CGRRF1: variants seen among roughly 807,000 people sequenced by gnomAD.
CGRRF1 encodes cell growth regulator with ring finger domain 1, also known as cell growth regulator with RING finger domain protein 1.
A neutral mutation model predicts 37.2 loss-of-function variants in CGRRF1; 32 were observed. The observed-to-expected ratio is 0.86, with a 90% CI of 0.65 to 1.16. The LOEUF (loss-of-function observed/expected upper bound fraction) is 1.16. Among genes scored for constraint, CGRRF1 ranks in the 50% most tolerant of loss-of-function variants. The pLI is 0.00. For synonymous variants in CGRRF1, 141 were observed against 140.3 expected, an observed-to-expected ratio of 1.00 and a Z score of -0.04; for missense variants, 391 against 382.6, an observed-to-expected ratio of 1.02 and a Z score of -0.18.
At chr14:54,534,130 T>C (rs989272189) in intron 4 of CGRRF1, among the ~76,000 whole-genome samples, 1 of 152,184 alleles carries the variant, frequency 6.6e-6, no homozygotes, top group Admixed American at 6.5e-5. Flanking sequence ...AATTGGTTTT[T>C]TTTTTGTTTT....
intron 1 of CGRRF1, among the ~76,000 whole-genome samples, chr14:54,520,013 A>G (rs2032288618): frequency 6.6e-6 from 1 of 152,214 alleles, no homozygotes; most frequent in Non-Finnish European, 1.5e-5. Context: ...TGTAAGTTCT[A>G]AAACATTACA....
At chr14:54,527,129 T>G (rs1018464865) in intron 2 of CGRRF1, among the ~76,000 whole-genome samples, 5 of 152,192 alleles carry the variant, frequency 3.3e-5, no homozygotes, top group Non-Finnish European at 7.3e-5. Flanking sequence ...TACGTCCCAA[T>G]TCTGTTAATG....
At chr14:54,517,084 A>G (rs1370301108) in intron 1 of CGRRF1, among the ~76,000 whole-genome samples, 4 of 152,154 alleles carry the variant, frequency 2.6e-5, no homozygotes, top group Non-Finnish European at 4.4e-5. Flanking sequence ...ATATAGTCCT[A>G]GGAGCTATTT....
rs1308995600 is a variant in CGRRF1, at chr14:54,538,167, A to G, written c.783A>G (p.Glu261=). 6.2e-7 allele frequency: 1 copy of G among 1,614,212 alleles called. No individual in the cohort carries two copies. The stretch of plus-strand genomic sequence containing the variant: ...TGTTGGAAAAGGTGGGACTCTCTGA[A>G]AGTGAAGTTGAGCCATCGGAAGAGA... The part of the protein sequence containing the change: ...RSLLEKVGLS[E]SEVEPSEENS... Residue 261 remains glutamate, a synonymous_variant, in exon 6 of 6, where the codon GAA becomes GAG. Transcript: ENST00000216420.
At chr14:54,527,401 T>C (rs1414926859) in intron 2 of CGRRF1, among the ~76,000 whole-genome samples, 1 of 152,122 alleles carries the variant, frequency 6.6e-6, no homozygotes, top group East Asian at 1.9e-4. Flanking sequence ...ACATGGCACA[T>C]GTATACATAT....
rs537630649 is a variant in CGRRF1, at chr14:54,525,755, A to G, written c.244+3162A>G. ...TTCACCACTGTACCCAAACTGCCTGACATATAGCAGAAGAGGGTGAATAAT... is the reference window on the plus strand; with the variant it reads ...TTCACCACTGTACCCAAACTGCCTGGCATATAGCAGAAGAGGGTGAATAAT... On this transcript the variant is annotated intron_variant, in intron 2 of 5. Coordinates refer to ENST00000216420, the MANE Select transcript of CGRRF1 (RefSeq NM_006568.3). Among the ~76,000 whole-genome samples, 3 of 152,300 alleles carry G rather than the reference A, an allele frequency of 2.0e-5. No individual in the cohort carries two copies. The East Asian group carries it at 5.8e-4, about 29-fold the overall frequency.
intron 2 of CGRRF1, among the ~76,000 whole-genome samples, chr14:54,526,836 C>T (rs1296489034): frequency 6.6e-6 from 1 of 152,170 alleles, no homozygotes; most frequent in African/African-American, 2.4e-5. Flanking sequence ...TTTCATCTCC[C>T]AATACTCTGG....
chr14:54,516,627 A>T (rs1328898335), intron 1 of CGRRF1, among the ~76,000 whole-genome samples: 1 of 151,994 alleles, frequency 6.6e-6, no homozygotes, highest in Non-Finnish European at 1.5e-5. Context: ...TTTGATTATT[A>T]TGTGCCTTAG....
intron 1 of CGRRF1, among the ~76,000 whole-genome samples, chr14:54,513,593 T>TATGTA (rs796165575): frequency 9.8e-4 from 148 of 151,004 alleles, no homozygotes; most frequent in East Asian, 9.2e-3. Flanking sequence ...TATGTTATGT[T>TATGTA]ATGTTATGTT....
intron 2 of CGRRF1, among the ~76,000 whole-genome samples, chr14:54,524,744 C>A (rs1377582937): frequency 6.6e-6 from 1 of 152,032 alleles, no homozygotes; most frequent in Non-Finnish European, 1.5e-5. Flanking sequence ...AATACTATTA[C>A]CCTATGAATT....
At chr14:54,523,345 G>A (rs186711824) in intron 2 of CGRRF1, 1 of 154,208 alleles carries the variant, frequency 6.5e-6, no homozygotes, top group Non-Finnish European at 1.5e-5. Flanking sequence ...TTTGTAGATG[G>A]TAGGTAATAG....
chr14:54,516,999 A>T (rs2032229009), intron 1 of CGRRF1, among the ~76,000 whole-genome samples: 1 of 152,002 alleles, frequency 6.6e-6, no homozygotes, highest in South Asian at 2.1e-4. Flanking sequence ...CTAAATATTG[A>T]TTTGGGCCTT....
chr14:54,533,929 T>G (rs2032560722), intron 4 of CGRRF1, among the ~76,000 whole-genome samples: 1 of 152,176 alleles, frequency 6.6e-6, no homozygotes, highest in African/African-American at 2.4e-5. Context: ...AATATTTGTC[T>G]GTATCTTTCC....
Position 54,515,083 on chromosome 14 carries a change from G to GTTT in CGRRF1, c.104+5024_104+5026dup, listed in dbSNP as rs1219713266. Among the ~76,000 whole-genome samples, 18 of 139,954 alleles carry GTTT rather than the reference G, an allele frequency of 1.3e-4. No individual in the cohort carries two copies. The East Asian group carries it at 2.8e-3, about 22-fold the overall frequency. 91.8% of individuals were successfully genotyped at this position (139,954 alleles called of 152,430 possible). A position where few individuals can be genotyped will look rare whatever the true frequency, so the allele number is the denominator to read the frequency against. On this transcript the variant is annotated intron_variant, in intron 1 of 5. Coordinates refer to ENST00000216420, the MANE Select transcript of CGRRF1 (RefSeq NM_006568.3). ...TATATATTCTGCTATTATTGGGTGA[G>GTTT]TTTTTTGTTTTTTTTTTTTTTTTTG...
intron 1 of CGRRF1, among the ~76,000 whole-genome samples, chr14:54,512,782 C>T (rs2032149971): frequency 6.6e-6 from 1 of 152,220 alleles, no homozygotes; most frequent in Non-Finnish European, 1.5e-5. Context: ...CTAGAATCAG[C>T]CTTATGCACT....
chr14:54,512,062 C>T (rs2032138437), intron 1 of CGRRF1, among the ~76,000 whole-genome samples: 2 of 152,216 alleles, frequency 1.3e-5, no homozygotes, highest in Non-Finnish European at 2.9e-5. Flanking sequence ...AAACATCTTT[C>T]TAATAGTACC....
At chr14:54,524,199 C>T (rs1566509698) in intron 2 of CGRRF1, among the ~76,000 whole-genome samples, 1 of 152,110 alleles carries the variant, frequency 6.6e-6, no homozygotes, top group Non-Finnish European at 1.5e-5. Flanking sequence ...AATGCTCTCT[C>T]TCTAGTATTT....
rs1380067868 is a variant in CGRRF1 at position 54,510,277 on chromosome 14, G to T, written c.104+214G>T. Reference sequence around the variant, plus strand: ...CCTGCATCACCGTTTGGTCCGTGTCGCTGGGGCATCTTGGGGTGGTACCGC... The same window carrying T: ...CCTGCATCACCGTTTGGTCCGTGTCTCTGGGGCATCTTGGGGTGGTACCGC... On this transcript the variant is annotated intron_variant, in intron 1 of 5. Transcript: ENST00000216420. The T allele has an allele frequency of 9.4e-5, 54 of 572,464 alleles. No individual in the cohort carries two copies. In the East Asian group the frequency reaches 1.1e-3, roughly 11 times the overall value. The allele number at this position is 572,464 out of a possible 1,614,324, so 35.5% of individuals were successfully genotyped here. A position where few individuals can be genotyped will look rare whatever the true frequency, so the allele number is the denominator to read the frequency against.
intron 1 of CGRRF1, among the ~76,000 whole-genome samples, chr14:54,514,986 A>G (rs962917037): frequency 1.3e-4 from 19 of 151,982 alleles, no homozygotes; most frequent in African/African-American, 4.3e-4. Context: ...CATCTTGTAA[A>G]TTTATTGAGA....
Sources: gnomAD v4.1 joint callset for allele counts (sites outside exome capture counted in the v4.1 genomes callset) on GRCh38, gnomAD v4.1.1 for gene constraint, MANE v1.5 for transcripts, NCBI Gene and HGNC (gene_info 2026-07-23, HGNC 2026-07-21) for gene names.